The following TNKS variants were observed in gnomAD, a reference collection of about 807,000 sequenced individuals.
The protein encoded by TNKS is poly [ADP-ribose] polymerase tankyrase-1.
A neutral mutation model predicts 135.8 loss-of-function variants in TNKS; 72 were observed. The ratio of observed to expected loss-of-function variants is 0.53; its 90% CI spans 0.44 to 0.64. The LOEUF (loss-of-function observed/expected upper bound fraction) is 0.64. Ranked by LOEUF, TNKS falls within the 30% of genes least tolerant of loss-of-function variation. The pLI is 0.00. For missense variants in TNKS, 1,769 were observed against 1,674.0 expected, an observed-to-expected ratio of 1.06 and a Z score of -0.99; for synonymous variants, 849 against 649.3, an observed-to-expected ratio of 1.31 and a Z score of -4.68.
intron 1 of TNKS, among the ~76,000 whole-genome samples, chr8:9,578,263 A>G (rs1198246254): frequency 1.3e-5 from 2 of 152,244 alleles, no homozygotes; most frequent in African/African-American, 4.8e-5. Context: ...GACAGCACTT[A>G]TGGCCCAGTG....
At chr8:9,770,430 A>G (rs1807758603) in intron 26 of TNKS, among the ~76,000 whole-genome samples, 168 bp downstream of exon 26, 1 of 152,266 alleles carries the variant, frequency 6.6e-6, no homozygotes, top group African/African-American at 2.4e-5. Flanking sequence ...TTTGACATCA[A>G]CTTTTTACCT....
chr8:9,764,671 T>A, intron 22 of TNKS, 45 bp from the exon 23 acceptor site: 1 of 1,473,016 alleles, frequency 6.8e-7, no homozygotes, highest in Non-Finnish European at 9.3e-7. Flanking sequence ...TGTCTAGAAT[T>A]ACACACTGGG....
chr8:9,619,475 G>A (rs547552984), intron 3 of TNKS, among the ~76,000 whole-genome samples: 12 of 152,254 alleles, frequency 7.9e-5, no homozygotes, highest in African/African-American at 2.6e-4. Context: ...AGGATGATGG[G>A]GATGTAAAGT....
intron 5 of TNKS, among the ~76,000 whole-genome samples, chr8:9,702,649 A>C (rs1041990307): frequency 4.6e-5 from 7 of 152,212 alleles, no homozygotes; most frequent in Admixed American, 3.3e-4. Context: ...AGCATTTGAC[A>C]TGGATCTCAA....
rs916924389 is a variant in TNKS, at chr8:9,575,486, A to C, written c.674-4673A>C. The C allele has an allele frequency of 2.6e-4, 242 of 929,126 alleles. 1 individual carries two copies. The highest frequency in any genetic ancestry group is 3.0e-4 in the Non-Finnish European group (237 of 778,686). 57.6% of individuals were successfully genotyped at this position (929,126 alleles called of 1,614,324 possible). On this transcript the variant is annotated intron_variant, in intron 1 of 26. Coordinates refer to ENST00000310430, the MANE Select transcript of TNKS (RefSeq NM_003747.3). ...CAAACTGACCAACCAAAAAGAAAAGATAAGGAAAAATAAAAATAAAAATTT... is the reference window on the plus strand; with the variant it reads ...CAAACTGACCAACCAAAAAGAAAAGCTAAGGAAAAATAAAAATAAAAATTT...
At chr8:9,671,516 A>G (rs1370394059) in intron 3 of TNKS, among the ~76,000 whole-genome samples, 1 of 152,208 alleles carries the variant, frequency 6.6e-6, no homozygotes, top group Non-Finnish European at 1.5e-5. Flanking sequence ...AGAAGTTTAT[A>G]TATTCTGTGA....
At chr8:9,744,035 A>G (rs371857871) in intron 17 of TNKS, among the ~76,000 whole-genome samples, 32 of 152,200 alleles carry the variant, frequency 2.1e-4, no homozygotes, top group African/African-American at 4.6e-4. Context: ...AGAGAGCTCA[A>G]TCTGCTCTGT....
intron 1 of TNKS, among the ~76,000 whole-genome samples, chr8:9,569,145 C>T (rs545777396): frequency 3.3e-5 from 5 of 152,190 alleles, no homozygotes; most frequent in African/African-American, 7.2e-5. Flanking sequence ...CTAGTATTTC[C>T]TTGAAAGCTC....
chr8:9,575,408 A>C (rs1396739042), intron 1 of TNKS: 3 of 985,164 alleles, frequency 3.0e-6, no homozygotes, highest in African/African-American at 1.7e-5. Flanking sequence ...AGGTGGGTCA[A>C]CTCTACCCTA....
At chr8:9,570,691 A>C (rs1797723871) in intron 1 of TNKS, among the ~76,000 whole-genome samples, 1 of 152,190 alleles carries the variant, frequency 6.6e-6, no homozygotes, top group African/African-American at 2.4e-5. Context: ...GTAGATAATG[A>C]ATGGATCTCC....
chr8:9,669,795 T>A (rs546258941), intron 3 of TNKS, among the ~76,000 whole-genome samples: 2 of 148,692 alleles, frequency 1.3e-5, no homozygotes, highest in African/African-American at 5.0e-5. Context: ...TCTTTACTTC[T>A]TATATAGCCA....
chr8:9,585,987 TG>T (rs1798366636), intron 2 of TNKS, among the ~76,000 whole-genome samples: 1 of 152,202 alleles, frequency 6.6e-6, no homozygotes, highest in Non-Finnish European at 1.5e-5. Flanking sequence ...GGGTAATAGC[TG>T]TATGTCATAC....
At chr8:9,742,309 T>C (rs1806006022) in intron 17 of TNKS, among the ~76,000 whole-genome samples, 1 of 152,100 alleles carries the variant, frequency 6.6e-6, no homozygotes, top group Admixed American at 6.6e-5. Flanking sequence ...CTAGACCTTT[T>C]TTTAATTACC....
At position 9,766,249 on chromosome 8, in the gene TNKS, C is replaced by T; in HGVS notation, c.3564C>T (p.Phe1188=). The change falls in exon 25 of 27, where the codon TTC becomes TTT. Residue 1188 remains phenylalanine, a synonymous_variant. Coordinates refer to ENST00000310430, the MANE Select transcript of TNKS (RefSeq NM_003747.3). ...NERMLFHGSP[F]INAIIHKGFD... ...TCTTCGTATTTCTAGGTTCTCCTTT[C>T]ATTAATGCCATTATTCATAAAGGGT... 6.2e-7 allele frequency: 1 copy of T among 1,602,480 alleles called. No homozygotes were observed. The highest frequency in any genetic ancestry group is 8.5e-7 in the Non-Finnish European group (1 of 1,173,584).
At chr8:9,771,910 T>G (rs111960671) in intron 26 of TNKS, among the ~76,000 whole-genome samples, 1 of 10 alleles carries the variant, frequency 0.1, no homozygotes. Flanking sequence ...AAGGAAGGGA[T>G]GGGGAGAGAG....
At chr8:9,763,075 T>C in intron 21 of TNKS, 72 bp from the exon 22 acceptor site, 4 of 617,766 alleles carry the variant, frequency 6.5e-6, no homozygotes, top group Non-Finnish European at 9.6e-6. Context: ...TTTTTTTTTT[T>C]TTTTTTTTTT....
chr8:9,621,139 G>A (rs934463010), intron 3 of TNKS, among the ~76,000 whole-genome samples: 1 of 152,042 alleles, frequency 6.6e-6, no homozygotes, highest in African/African-American at 2.4e-5. Context: ...AAACATAAGT[G>A]CATTTTAAAA....
Position 9,581,016 on chromosome 8 carries a change from C to G in TNKS, c.898+633C>G, listed in dbSNP as rs999813269. Among the ~76,000 whole-genome samples, 4 of 152,122 alleles carry G rather than the reference C, an allele frequency of 2.6e-5. 1 individual carries two copies. The highest frequency in any genetic ancestry group is 9.7e-5 in the African/African-American group (4 of 41,418). ...TTTTATTTTGAAATCTAAAAAGCTTCTAGAGGGCAAGTATAATTTCTCTTG... is the reference window on the plus strand; with the variant it reads ...TTTTATTTTGAAATCTAAAAAGCTTGTAGAGGGCAAGTATAATTTCTCTTG... On this transcript the variant is annotated intron_variant, in intron 2 of 26. Coordinates refer to ENST00000310430, the MANE Select transcript of TNKS (RefSeq NM_003747.3).
intron 3 of TNKS, among the ~76,000 whole-genome samples, chr8:9,624,568 C>T (rs902426331): frequency 6.6e-6 from 1 of 152,176 alleles, no homozygotes; most frequent in Admixed American, 6.5e-5. Flanking sequence ...GACATTGATG[C>T]AGTCAAGATA....
Sources: gnomAD v4.1 joint callset for allele counts (sites outside exome capture counted in the v4.1 genomes callset) on GRCh38, gnomAD v4.1.1 for gene constraint, MANE v1.5 for transcripts, NCBI Gene and HGNC (gene_info 2026-07-23, HGNC 2026-07-21) for gene names.